DPYD: variants seen among roughly 807,000 people sequenced by gnomAD.
DPYD encodes the protein dihydropyrimidine dehydrogenase [NADP(+)].
In DPYD, 109 loss-of-function variants were observed where a neutral mutation model predicts 116.2. The observed-to-expected ratio is 0.94, with a 90% CI of 0.80 to 1.10. DPYD has a LOEUF of 1.10. Ranked by LOEUF, DPYD falls within the 50% of genes least tolerant of loss-of-function variation. DPYD has a pLI of 0.00. For missense variants in DPYD, 1,302 were observed against 1,254.5 expected (o/e 1.04, Z -0.57); for synonymous variants, 440 against 432.0 (o/e 1.02, Z -0.23).
intron 20 of DPYD, among the ~76,000 whole-genome samples, chr1:97,162,588 T>A (rs1047025609): frequency 1.1e-4 from 16 of 152,106 alleles, no homozygotes; most frequent in African/African-American, 3.9e-4. Context: ...GCCATCCCCA[T>A]CAAGCTACCA....
At chr1:97,872,320 T>C (rs970602682) in intron 2 of DPYD, among the ~76,000 whole-genome samples, 17 of 151,958 alleles carry the variant, frequency 1.1e-4, no homozygotes, top group Non-Finnish European at 1.0e-4. Flanking sequence ...ACCATAAAGT[T>C]GTTTAAAAAA....
At chr1:97,138,241 G>C (rs1653953259) in intron 20 of DPYD, among the ~76,000 whole-genome samples, 1 of 152,112 alleles carries the variant, frequency 6.6e-6, no homozygotes, top group African/African-American at 2.4e-5. Context: ...AGATGGTGGG[G>C]TCAGTAATAA....
intron 1 of DPYD, among the ~76,000 whole-genome samples, chr1:97,905,026 T>G (rs898841544): frequency 1.3e-5 from 2 of 152,058 alleles, no homozygotes; most frequent in African/African-American, 4.8e-5. Context: ...AAAATTATAT[T>G]TATTTTAAGC....
rs932401315 is a variant in DPYD, at chr1:97,549,118, T to G, written c.1524+442A>C. On this transcript the variant is annotated intron_variant, in intron 12 of 22. Transcript: ENST00000370192. ...TCTCTCTCTGTTGTCCAGGTTGAAG[T>G]GCAAGTGGCACGATCATGGCTTACT... is the stretch of plus-strand genomic sequence containing the variant. Among the ~76,000 whole-genome samples, 3 of 152,020 alleles carry G rather than the reference T, an allele frequency of 2.0e-5. No individual in the cohort carries two copies. In the East Asian group the frequency reaches 5.8e-4, roughly 29 times the overall value.
At chr1:97,164,896 G>A (rs1048255590) in intron 20 of DPYD, among the ~76,000 whole-genome samples, 1 of 150,620 alleles carries the variant, frequency 6.6e-6, no homozygotes, top group Non-Finnish European at 1.5e-5. Flanking sequence ...TTTTAGTAGA[G>A]ATGCGGTTTC....
chr1:97,536,317 T>C (rs574306784), intron 12 of DPYD, among the ~76,000 whole-genome samples: 21 of 152,376 alleles, frequency 1.4e-4, no homozygotes, highest in Admixed American at 3.9e-4. Context: ...TTGATATTCA[T>C]TGTTTTTCAA....
chr1:97,582,389 T>C (rs1653752836), intron 10 of DPYD, among the ~76,000 whole-genome samples: 1 of 152,232 alleles, frequency 6.6e-6, no homozygotes, highest in Non-Finnish European at 1.5e-5. Context: ...TTCATATGAA[T>C]TTGATTTCAC....
chr1:97,793,891 CTG>C (rs1667439035), intron 3 of DPYD, among the ~76,000 whole-genome samples: 1 of 152,162 alleles, frequency 6.6e-6, no homozygotes, highest in African/African-American at 2.4e-5. Context: ...ATAACAATTT[CTG>C]TTCTTTAAAA....
At chr1:97,462,907 G>C (rs1313752117) in intron 13 of DPYD, among the ~76,000 whole-genome samples, 2 of 152,010 alleles carry the variant, frequency 1.3e-5, no homozygotes, top group Admixed American at 1.3e-4. Context: ...CTGCTACCTG[G>C]AGGCTTCATC....
chr1:97,433,293 C>T (rs569764396), intron 14 of DPYD, among the ~76,000 whole-genome samples: 32 of 152,204 alleles, frequency 2.1e-4, no homozygotes, highest in African/African-American at 7.5e-4. Flanking sequence ...TCCCATGAGA[C>T]GGTTGGTTGA....
intron 14 of DPYD, among the ~76,000 whole-genome samples, chr1:97,385,553 A>C (rs1672295531): frequency 2.5e-5 from 3 of 121,908 alleles, no homozygotes. Flanking sequence ...ATAAAACAAT[A>C]ACAACAACAA....
chr1:97,880,101 A>T (rs1017254846), intron 2 of DPYD, among the ~76,000 whole-genome samples: 5 of 151,794 alleles, frequency 3.3e-5, no homozygotes, highest in African/African-American at 1.2e-4. Context: ...CTAGAAATAT[A>T]AAGGAATCTT....
At chr1:97,268,782 C>A (rs546908418) in intron 18 of DPYD, among the ~76,000 whole-genome samples, 42 of 152,280 alleles carry the variant, frequency 2.8e-4, no homozygotes, top group African/African-American at 1.0e-3. Context: ...CCTTGAAGAT[C>A]TCAGAAATGC....
chr1:97,098,707 ATAT>A, intron 20 of DPYD, 75 bp from the exon 21 acceptor site: 2 of 1,518,880 alleles, frequency 1.3e-6, no homozygotes, highest in Non-Finnish European at 1.8e-6. Flanking sequence ...AAACATATAA[ATAT>A]TATCAACAAA....
At chr1:97,172,024 T>C (rs190697720) in intron 20 of DPYD, among the ~76,000 whole-genome samples, 55 of 152,288 alleles carry the variant, frequency 3.6e-4, no homozygotes, top group Middle Eastern at 3.4e-3. Flanking sequence ...TTAGACAAAG[T>C]ATAAGGACGC....
chr1:97,344,800 G>C (rs1302154277), intron 16 of DPYD, among the ~76,000 whole-genome samples: 1 of 151,842 alleles, frequency 6.6e-6, no homozygotes, highest in African/African-American at 2.4e-5. Context: ...TGAACTACAT[G>C]AAACATGTTT....
chr1:97,195,737 C>T (rs2101832021), intron 19 of DPYD, among the ~76,000 whole-genome samples: 1 of 130,620 alleles, frequency 7.7e-6, no homozygotes, highest in East Asian at 2.4e-4. Context: ...TGATGTGTAC[C>T]TAAAAAAATG....
chr1:97,501,681 G>A (rs1259034089), intron 13 of DPYD, among the ~76,000 whole-genome samples: 1 of 151,994 alleles, frequency 6.6e-6, no homozygotes, highest in East Asian at 1.9e-4. Flanking sequence ...CTGGATGACA[G>A]TATGAGACCC....
chr1:97,774,889 G>C (rs1044110602), intron 3 of DPYD: 5 of 244,486 alleles, frequency 2.0e-5, no homozygotes, highest in African/African-American at 1.1e-4. Context: ...ACATACAAGG[G>C]AAAAACCTTT....
Sources: allele counts gnomAD v4.1 joint callset (sites outside exome capture counted in the v4.1 genomes callset), GRCh38; gene constraint gnomAD v4.1.1; transcripts MANE v1.5; gene names NCBI Gene and HGNC (gene_info 2026-07-23, HGNC 2026-07-21).